Variants in PDE4D observed in about 807,000 individuals in gnomAD.
The protein encoded by PDE4D is phosphodiesterase 4D, also known as 3',5'-cyclic-AMP phosphodiesterase 4D.
PDE4D carries 24 observed loss-of-function variants against 87.4 expected under a neutral mutation model. The observed-to-expected ratio is 0.27, with a 90% CI of 0.20 to 0.39. The LOEUF (loss-of-function observed/expected upper bound fraction) is 0.39. Among genes scored for constraint, PDE4D ranks in the 10% least tolerant of loss-of-function variants. The pLI, the probability that PDE4D is intolerant of heterozygous loss-of-function variation, is 1.00. For missense variants in PDE4D, 714 were observed against 1,041.0 expected (o/e 0.69, Z 4.32); for synonymous variants, 384 against 383.2 (o/e 1.00, Z -0.02).
intron 1 of PDE4D, among the ~76,000 whole-genome samples, chr5:59,473,334 C>T (rs1802774825): frequency 6.6e-6 from 1 of 151,990 alleles, no homozygotes; most frequent in Admixed American, 6.6e-5. Context: ...AATCACATAA[C>T]TTATCACATT....
intron 3 of PDE4D, among the ~76,000 whole-genome samples, chr5:59,192,291 A>G (rs1744508000): frequency 1.3e-5 from 2 of 152,220 alleles, no homozygotes; most frequent in Non-Finnish European, 2.9e-5. Flanking sequence ...AACCAATCAC[A>G]AAGTTTTTAT....
chr5:59,625,224 G>A (rs185278485), intron 1 of PDE4D, among the ~76,000 whole-genome samples: 88 of 152,232 alleles, frequency 5.8e-4, no homozygotes, highest in African/African-American at 1.7e-3. Context: ...GGTCTTCCAC[G>A]GCTGAGATGA....
rs149230628 is a variant in PDE4D, at chr5:59,631,040, C to A, written c.455+262128G>T. Among the ~76,000 whole-genome samples the A allele has an allele frequency of 1.7e-3, 253 of 152,250 alleles. 1 individual carries two copies. Among genetic ancestry groups the A allele is most frequent in the African/African-American group, 5.9e-3 (246 of 41,550 alleles). Reference sequence around the variant, plus strand: ...TGCAAAGTAAAATGTAAGCAAAAGGCACAATTTTTCCACCTGTAAGGAATG... The same window carrying A: ...TGCAAAGTAAAATGTAAGCAAAAGGAACAATTTTTCCACCTGTAAGGAATG... On this transcript the variant is annotated intron_variant, in intron 1 of 14. Coordinates refer to ENST00000340635, the MANE Select transcript of PDE4D (RefSeq NM_001104631.2).
At chr5:59,629,820 G>A (rs1831346031) in intron 1 of PDE4D, among the ~76,000 whole-genome samples, 1 of 152,180 alleles carries the variant, frequency 6.6e-6, no homozygotes, top group Non-Finnish European at 1.5e-5. Flanking sequence ...TCAAAACTAT[G>A]AAAATAATTT....
intron 1 of PDE4D, among the ~76,000 whole-genome samples, chr5:60,361,519 A>G (rs549935126): frequency 6.6e-6 from 1 of 152,328 alleles, no homozygotes; most frequent in South Asian, 2.1e-4. Context: ...GCAGACAAAT[A>G]CTAAGTAAAT....
intron 1 of PDE4D, among the ~76,000 whole-genome samples, chr5:59,231,937 G>A (rs770777177): frequency 2.0e-5 from 3 of 152,130 alleles, no homozygotes; most frequent in Admixed American, 6.5e-5. Context: ...AGCCAGTCTG[G>A]TTCTGTTCTG....
intron 1 of PDE4D, among the ~76,000 whole-genome samples, chr5:59,651,446 C>T (rs1025852034): frequency 2.6e-5 from 4 of 151,176 alleles, no homozygotes; most frequent in Admixed American, 6.6e-5. Context: ...TCTTTAACAC[C>T]GAGTGAAAAA....
At chr5:60,388,533 T>C (rs1159692615) in intron 1 of PDE4D, among the ~76,000 whole-genome samples, 2 of 152,210 alleles carry the variant, frequency 1.3e-5, no homozygotes, top group Non-Finnish European at 2.9e-5. Flanking sequence ...CCCCTCTCTG[T>C]GTCCATGTGT....
intron 1 of PDE4D, among the ~76,000 whole-genome samples, chr5:59,614,858 G>T (rs1451565024): frequency 2.7e-5 from 4 of 150,082 alleles, no homozygotes; most frequent in Admixed American, 1.3e-4. Flanking sequence ...TGGTGGTAGG[G>T]TCTCTCTCTA....
intron 1 of PDE4D, among the ~76,000 whole-genome samples, chr5:59,834,689 C>T (rs1741738799): frequency 6.6e-6 from 1 of 152,018 alleles, no homozygotes. Context: ...CATTGTTCCC[C>T]AGTAAGGCTT....
chr5:59,378,016 CAT>C (rs1334790883), intron 1 of PDE4D, among the ~76,000 whole-genome samples: 2 of 151,988 alleles, frequency 1.3e-5, no homozygotes, highest in Admixed American at 1.3e-4. Flanking sequence ...ATAGCAAAGA[CAT>C]AGAATTAACC....
chr5:59,721,274 ATTGT>A (rs1755790853), intron 1 of PDE4D, among the ~76,000 whole-genome samples: 2 of 152,040 alleles, frequency 1.3e-5, no homozygotes, highest in Admixed American at 1.3e-4. Context: ...TTTCTCTTCT[ATTGT>A]CAACCCTGAG....
At chr5:60,512,797 T>C (rs1750633170) in intron 1 of PDE4D, among the ~76,000 whole-genome samples, 1 of 152,096 alleles carries the variant, frequency 6.6e-6, no homozygotes, top group Non-Finnish European at 1.5e-5. Context: ...CAGACAGAAA[T>C]GATCGCAGCT....
intron 1 of PDE4D, among the ~76,000 whole-genome samples, chr5:60,480,708 G>A (rs1748665176): frequency 6.6e-6 from 1 of 151,976 alleles, no homozygotes. Flanking sequence ...ACCTATATGT[G>A]GACTGCCTTA....
At chr5:59,816,509 G>A (rs1180327843) in intron 1 of PDE4D, among the ~76,000 whole-genome samples, 1 of 152,134 alleles carries the variant, frequency 6.6e-6, no homozygotes, top group African/African-American at 2.4e-5. Flanking sequence ...ATAAAATAAG[G>A]CACTTACCAA....
rs189132683 is a variant in PDE4D, at chr5:59,889,627, C to T, written c.455+3541G>A. ...CATCCATGCTGCTTGTATTTTCAAC[C>T]TTAGTGTATTATATTATTGAAAATA... On this transcript the variant is annotated intron_variant, in intron 1 of 14. Coordinates refer to ENST00000340635, the MANE Select transcript of PDE4D (RefSeq NM_001104631.2). 3.8e-3 allele frequency among the ~76,000 whole-genome samples: 582 copies of T among 152,064 alleles called. 2 individuals carry two copies. Among genetic ancestry groups the T allele is most frequent in the Non-Finnish European group, 6.2e-3 (423 of 68,000 alleles).
intron 3 of PDE4D, among the ~76,000 whole-genome samples, chr5:59,957,058 G>A (rs990151994): frequency 1.3e-5 from 2 of 152,124 alleles, no homozygotes; most frequent in Non-Finnish European, 2.9e-5. Context: ...GATGTGACAA[G>A]GACAAAAGGC....
intron 4 of PDE4D, among the ~76,000 whole-genome samples, chr5:59,181,542 T>TATATATA (rs1561646068): frequency 1.7e-5 from 1 of 59,420 alleles, no homozygotes; most frequent in Non-Finnish European, 3.5e-5. Context: ...CAAAGATGTC[T>TATATATA]GATATATATA....
intron 1 of PDE4D, among the ~76,000 whole-genome samples, chr5:59,312,958 C>G (rs1487846887): frequency 6.6e-6 from 1 of 152,156 alleles, no homozygotes; most frequent in Non-Finnish European, 1.5e-5. Context: ...GGAAGCCCCA[C>G]ACAGCCTGCC....
Sources: allele counts gnomAD v4.1 joint callset (sites outside exome capture counted in the v4.1 genomes callset), GRCh38; gene constraint gnomAD v4.1.1; transcripts MANE v1.5; gene names NCBI Gene and HGNC (gene_info 2026-07-23, HGNC 2026-07-21).